Variants in PSD3 observed in about 807,000 individuals in gnomAD.
PSD3 encodes PH and SEC7 domain-containing protein 3.
In PSD3, 49 loss-of-function variants were observed where a neutral mutation model predicts 105.5. The observed-to-expected ratio is 0.46, with a 90% CI of 0.37 to 0.59. The LOEUF (loss-of-function observed/expected upper bound fraction) is 0.59, where lower values mean the gene tolerates loss of function less well. PSD3 is among the 20% of genes least tolerant of loss of function. PSD3 has a pLI of 0.00. For synonymous variants in PSD3, 557 were observed against 457.8 expected, an observed-to-expected ratio of 1.22 and a Z score of -2.77; for missense variants, 1,561 against 1,263.8, an observed-to-expected ratio of 1.24 and a Z score of -3.57.
chr8:18,688,672 TTTC>T (rs1387007644), intron 9 of PSD3, among the ~76,000 whole-genome samples: 1 of 152,216 alleles, frequency 6.6e-6, no homozygotes, highest in African/African-American at 2.4e-5. Context: ...TCCTACATTA[TTTC>T]TTATCACCCA....
chr8:18,973,984 C>T (rs1289629830), intron 1 of PSD3, among the ~76,000 whole-genome samples: 2 of 152,148 alleles, frequency 1.3e-5, no homozygotes, highest in Admixed American at 1.3e-4. Flanking sequence ...AGGACAGGAT[C>T]CCAGACCATC....
At chr8:18,708,101 CA>C (rs1802008597) in intron 9 of PSD3, among the ~76,000 whole-genome samples, 1 of 152,118 alleles carries the variant, frequency 6.6e-6, no homozygotes, top group South Asian at 2.1e-4. Context: ...ATCCTGGAGA[CA>C]GGGGAGAAAG....
At chr8:18,776,244 G>A (rs1461616270) in intron 8 of PSD3, among the ~76,000 whole-genome samples, 1 of 146,194 alleles carries the variant, frequency 6.8e-6, no homozygotes, top group East Asian at 2.0e-4. Context: ...TGGTTACCAT[G>A]GCTCTCTCTC....
chr8:18,752,559 T>TATATATTAC (rs71217399), intron 9 of PSD3, among the ~76,000 whole-genome samples: 46,322 of 70,610 alleles, frequency 0.66, 15,123 homozygotes, highest in Non-Finnish European at 0.74. Flanking sequence ...TATATAATTA[T>TATATATTAC]ATATATTATA....
At chr8:18,571,928 GAAA>G (rs1563334197) in intron 14 of PSD3, among the ~76,000 whole-genome samples, 1 of 152,114 alleles carries the variant, frequency 6.6e-6, no homozygotes, top group Non-Finnish European at 1.5e-5. Flanking sequence ...AGTTTTAAGT[GAAA>G]AAGGACATGA....
chr8:18,736,257 C>T (rs1804145002), intron 9 of PSD3, among the ~76,000 whole-genome samples: 1 of 152,130 alleles, frequency 6.6e-6, no homozygotes. Context: ...AAATTGAAGG[C>T]AAGACACTTA....
rs1169812239 is a variant in PSD3, at chr8:18,889,616, G to A, written c.131-16883C>T. ...AAACAAACAAACAATAAAGGCTCTGGGCCATGCTCCCCCATCTCCCATCTC... is the reference window on the plus strand; with the variant it reads ...AAACAAACAAACAATAAAGGCTCTGAGCCATGCTCCCCCATCTCCCATCTC... On this transcript the variant is annotated intron_variant, in intron 2 of 15. Coordinates refer to ENST00000327040, the MANE Select transcript of PSD3 (RefSeq NM_015310.4). Among the ~76,000 whole-genome samples, 6 of 152,072 alleles carry A rather than the reference G, an allele frequency of 3.9e-5. No individual in the cohort carries two copies. The East Asian group carries it at 1.2e-3, about 29-fold the overall frequency.
intron 1 of PSD3, among the ~76,000 whole-genome samples, chr8:19,009,760 G>A (rs1826868499): frequency 2.0e-5 from 3 of 151,918 alleles, no homozygotes; most frequent in Admixed American, 2.0e-4. Context: ...GCGCAGTGGC[G>A]TGTACCTGTG....
chr8:18,578,944 G>C (rs1252933185), intron 12 of PSD3, among the ~76,000 whole-genome samples: 2 of 151,994 alleles, frequency 1.3e-5, no homozygotes, highest in Non-Finnish European at 2.9e-5. Flanking sequence ...ATTTAATTAG[G>C]GCTAAACTGA....
intron 4 of PSD3, among the ~76,000 whole-genome samples, chr8:18,818,512 T>G (rs188187272): frequency 6.6e-6 from 1 of 152,228 alleles, no homozygotes; most frequent in African/African-American, 2.4e-5. Flanking sequence ...CTCAAAGTGT[T>G]TGGTATTTTA....
chr8:18,658,592 A>T (rs1259579614), intron 9 of PSD3, among the ~76,000 whole-genome samples: 1 of 135,138 alleles, frequency 7.4e-6, no homozygotes, highest in Non-Finnish European at 1.6e-5. Flanking sequence ...GTGCAGTCAT[A>T]GCTCACTGCA....
chr8:18,543,200 A>C lies in PSD3; in HGVS notation c.2929-7242T>G, dbSNP rs544148062. On this transcript the variant is annotated intron_variant, in intron 15 of 15. Transcript: ENST00000327040. ...ACCACCAAGAGCCAAAGGCAACTCA[A>C]GTGTTTAATGGCGCCTTTGTCTACT... 3.3e-5 allele frequency among the ~76,000 whole-genome samples: 5 copies of C among 152,184 alleles called. No individual in the cohort carries two copies. In the South Asian group the frequency reaches 6.2e-4, roughly 19 times the overall value.
In PSD3 at chr8:18,594,388, TATATA is replaced by T. The variant is rs537296270; in HGVS notation, c.2481+5971_2481+5975del. On this transcript the variant is annotated intron_variant, in intron 12 of 15. Transcript: ENST00000327040. ...AATATATAAATAATATAATACATTA[TATATA>T]ATATATTATATAATATATAAATAAT... is the stretch of plus-strand genomic sequence containing the variant. Among the ~76,000 whole-genome samples the T allele has an allele frequency of 4.4e-3, 505 of 115,474 alleles. 3 individuals carry two copies. Among genetic ancestry groups the T allele is most frequent in the African/African-American group, 0.018 (487 of 27,416 alleles). The allele number at this position is 115,474 out of a possible 152,430, so 75.8% of individuals were successfully genotyped here. A position where few individuals can be genotyped will look rare whatever the true frequency, so the allele number is the denominator to read the frequency against.
At chr8:18,587,251 C>T (rs958380203) in intron 12 of PSD3, among the ~76,000 whole-genome samples, 1 of 152,114 alleles carries the variant, frequency 6.6e-6, no homozygotes, top group African/African-American at 2.4e-5. Flanking sequence ...GGACACTATG[C>T]CACCTAAGTC....
chr8:18,619,402 T>C (rs1432505384), intron 11 of PSD3, among the ~76,000 whole-genome samples: 1 of 152,124 alleles, frequency 6.6e-6, no homozygotes, highest in African/African-American at 2.4e-5. Context: ...CCCAGCATTT[T>C]GGGAGGCCGA....
intron 10 of PSD3, among the ~76,000 whole-genome samples, chr8:18,645,424 G>C (rs934708008): frequency 1.3e-5 from 2 of 152,146 alleles, no homozygotes; most frequent in Admixed American, 6.5e-5. Context: ...TTTCCTTCAA[G>C]TTAATGGTCA....
intron 1 of PSD3, among the ~76,000 whole-genome samples, chr8:18,946,194 A>G (rs887742654): frequency 1.3e-5 from 2 of 152,158 alleles, no homozygotes; most frequent in African/African-American, 4.8e-5. Context: ...TATTGCTGAA[A>G]AACAAAGAAA....
chr8:18,540,057 G>A (rs1800075211), intron 15 of PSD3, among the ~76,000 whole-genome samples: 2 of 152,124 alleles, frequency 1.3e-5, no homozygotes, highest in Non-Finnish European at 2.9e-5. Flanking sequence ...AGGAATTATG[G>A]TTTAAAGCAG....
At chr8:18,973,065 C>T (rs573859806) in intron 1 of PSD3, among the ~76,000 whole-genome samples, 5 of 152,158 alleles carry the variant, frequency 3.3e-5, no homozygotes, top group African/African-American at 7.2e-5. Context: ...GGGGTTTATT[C>T]GATGGACTAC....
Sources: allele counts gnomAD v4.1 joint callset (sites outside exome capture counted in the v4.1 genomes callset), GRCh38; gene constraint gnomAD v4.1.1; transcripts MANE v1.5; gene names NCBI Gene and HGNC (gene_info 2026-07-23, HGNC 2026-07-21).